Variants in LRRC4C observed in about 807,000 individuals in gnomAD.
LRRC4C encodes leucine rich repeat containing 4C, also known as leucine-rich repeat-containing protein 4C.
In LRRC4C, 5 loss-of-function variants were observed where a neutral mutation model predicts 33.6. The ratio of observed to expected loss-of-function variants is 0.15; its 90% CI spans 0.08 to 0.31. The LOEUF (loss-of-function observed/expected upper bound fraction) is 0.31, where lower values mean the gene tolerates loss of function less well. Ranked by LOEUF, LRRC4C falls within the 10% of genes least tolerant of loss-of-function variation. The pLI, the probability that LRRC4C is intolerant of heterozygous loss-of-function variation, is 1.00. For missense variants in LRRC4C, 560 were observed against 796.7 expected (o/e 0.70, Z 3.58); for synonymous variants, 329 against 302.0 (o/e 1.09, Z -0.93).
chr11:41,035,028 G>C (rs1856978613), intron 1 of LRRC4C, among the ~76,000 whole-genome samples: 1 of 148,648 alleles, frequency 6.7e-6, no homozygotes, highest in African/African-American at 2.5e-5. Flanking sequence ...TAAGTTCCAG[G>C]GTACATGTGC....
chr11:40,407,880 G>A (rs1565358583), intron 3 of LRRC4C, among the ~76,000 whole-genome samples: 1 of 151,910 alleles, frequency 6.6e-6, no homozygotes, highest in African/African-American at 2.4e-5. Context: ...AAAAGAATTG[G>A]CAAAGAGAAT....
intron 1 of LRRC4C, among the ~76,000 whole-genome samples, chr11:41,411,466 G>T (rs576229128): frequency 1.4e-3 from 210 of 151,952 alleles, no homozygotes; most frequent in African/African-American, 4.9e-3. Flanking sequence ...TACCCTATTG[G>T]ATAAAGTAGG....
chr11:41,323,180 A>G (rs1951007916), intron 1 of LRRC4C, among the ~76,000 whole-genome samples: 1 of 152,080 alleles, frequency 6.6e-6, no homozygotes. Flanking sequence ...ATTTCTTTTA[A>G]TCTATTGCCC....
At chr11:40,416,680 C>T (rs188046922) in intron 3 of LRRC4C, among the ~76,000 whole-genome samples, 333 of 152,236 alleles carry the variant, frequency 2.2e-3, no homozygotes, top group Non-Finnish European at 2.5e-3. Context: ...TTTGGTCCTC[C>T]CAACAATAAG....
chr11:40,983,789 T>G (rs1019725168), intron 1 of LRRC4C, among the ~76,000 whole-genome samples: 33 of 152,148 alleles, frequency 2.2e-4, no homozygotes, highest in Admixed American at 1.6e-3. Context: ...AAAATCACAA[T>G]GAGATACCAT....
intron 3 of LRRC4C, among the ~76,000 whole-genome samples, chr11:40,537,148 T>A (rs56413958): frequency 0.017 from 2,571 of 152,326 alleles, 38 homozygotes; most frequent in South Asian, 0.034. Flanking sequence ...GGCCACATTT[T>A]AAATTTTCAA....
chr11:41,165,347 T>C (rs1352819499), intron 1 of LRRC4C, among the ~76,000 whole-genome samples: 1 of 152,128 alleles, frequency 6.6e-6, no homozygotes, highest in East Asian at 1.9e-4. Context: ...TTTATGATGG[T>C]CATGATTCAG....
chr11:41,172,025 T>C (rs1443175600), intron 1 of LRRC4C, among the ~76,000 whole-genome samples: 1 of 151,584 alleles, frequency 6.6e-6, no homozygotes, highest in Non-Finnish European at 1.5e-5. Flanking sequence ...ACAGAGAAGG[T>C]AAAAGGCAAA....
chr11:41,086,450 G>T (rs1019524236), intron 1 of LRRC4C, among the ~76,000 whole-genome samples: 1 of 151,980 alleles, frequency 6.6e-6, no homozygotes, highest in African/African-American at 2.4e-5. Context: ...ATTGTAAAAC[G>T]TTGCTATAAA....
intron 1 of LRRC4C, among the ~76,000 whole-genome samples, chr11:41,116,163 C>A (rs781056508): frequency 1.3e-5 from 2 of 151,946 alleles, no homozygotes; most frequent in African/African-American, 4.8e-5. Flanking sequence ...GAGTAAAAAC[C>A]AGCACAGAGC....
At chr11:40,133,299 T>C (rs1374441445) in intron 6 of LRRC4C, among the ~76,000 whole-genome samples, 2 of 152,190 alleles carry the variant, frequency 1.3e-5, no homozygotes, top group Admixed American at 6.5e-5. Context: ...TAAATTACCA[T>C]GCAAGGCAAT....
At chr11:41,235,248 G>C (rs1416170122) in intron 1 of LRRC4C, among the ~76,000 whole-genome samples, 3 of 151,998 alleles carry the variant, frequency 2.0e-5, no homozygotes, top group Non-Finnish European at 4.4e-5. Flanking sequence ...TGGCAATGGG[G>C]ATAACGCAGA....
intron 6 of LRRC4C, among the ~76,000 whole-genome samples, chr11:40,125,595 A>G (rs1856164379): frequency 6.6e-6 from 1 of 152,122 alleles, no homozygotes; most frequent in Non-Finnish European, 1.5e-5. Context: ...ATAGCAAAGA[A>G]GAGGGGAACA....
At chr11:41,381,763 A>G (rs531816610) in intron 1 of LRRC4C, among the ~76,000 whole-genome samples, 1 of 151,950 alleles carries the variant, frequency 6.6e-6, no homozygotes, top group Non-Finnish European at 1.5e-5. Context: ...TCCAATTTAT[A>G]TACACATATA....
intron 1 of LRRC4C, among the ~76,000 whole-genome samples, chr11:40,943,704 T>A (rs1199503149): frequency 6.6e-6 from 1 of 152,196 alleles, no homozygotes; most frequent in Non-Finnish European, 1.5e-5. Flanking sequence ...TCCAAGGCTA[T>A]CTCTCCTGTC....
chr11:40,347,727 G>C (rs1283517094), intron 3 of LRRC4C, among the ~76,000 whole-genome samples: 5 of 152,292 alleles, frequency 3.3e-5, no homozygotes. Context: ...TCCTGCCTCA[G>C]CCTCCTGAGT....
chr11:40,202,735 G>C (rs949890547), intron 5 of LRRC4C, among the ~76,000 whole-genome samples: 10 of 152,076 alleles, frequency 6.6e-5, no homozygotes, highest in African/African-American at 2.4e-4. Context: ...CAGCCTGCAG[G>C]GATCTGTGCA....
At chr11:40,131,830 T>A (rs1856664180) in intron 6 of LRRC4C, among the ~76,000 whole-genome samples, 1 of 152,218 alleles carries the variant, frequency 6.6e-6, no homozygotes, top group Admixed American at 6.5e-5. Context: ...GCGTCAACTA[T>A]AATAATATAA....
chr11:41,233,488 A>T (rs1248492060), intron 1 of LRRC4C, among the ~76,000 whole-genome samples: 1 of 152,056 alleles, frequency 6.6e-6, no homozygotes, highest in Non-Finnish European at 1.5e-5. Context: ...TAGAAAAAAA[A>T]ATTTGCATTC....
Sources: allele counts gnomAD v4.1 joint callset (sites outside exome capture counted in the v4.1 genomes callset), GRCh38; gene constraint gnomAD v4.1.1; transcripts MANE v1.5; gene names NCBI Gene and HGNC (gene_info 2026-07-23, HGNC 2026-07-21).